Variants in SP100 observed in about 807,000 individuals in gnomAD.
The protein encoded by SP100 is nuclear autoantigen Sp-100.
Under a neutral mutation model 130.0 loss-of-function variants are expected in SP100, and 84 were observed. The observed-to-expected ratio is 0.65, with a 90% CI of 0.54 to 0.77. SP100 has a LOEUF of 0.77. Among genes scored for constraint, SP100 ranks in the 30% least tolerant of loss-of-function variants. The pLI is 0.00. For missense variants in SP100, 978 were observed against 1,052.2 expected, an observed-to-expected ratio of 0.93 and a Z score of 0.97; for synonymous variants, 331 against 351.7, an observed-to-expected ratio of 0.94 and a Z score of 0.66.
chr2:230,464,208 GCT>G lies in SP100; in HGVS notation c.1141+61_1141+62del, dbSNP rs1328974779. On this transcript the variant is annotated intron_variant, in intron 11 of 28. Transcript: ENST00000340126. ...AGAATATCCAGAGTACAAATCCAGAGCTCTGTTTTCTTGATTAATTTCATTCT... is the reference window on the plus strand; with the variant it reads ...AGAATATCCAGAGTACAAATCCAGAGCTGTTTTCTTGATTAATTTCATTCT... 3.7e-6 allele frequency: 4 copies of G among 1,070,198 alleles called. No homozygotes were observed. In the Admixed American group the frequency reaches 7.0e-5, roughly 19 times the overall value. 66.3% of individuals were successfully genotyped at this position (1,070,198 alleles called of 1,614,324 possible).
chr2:230,467,209 G>A lies in SP100; in HGVS notation c.1285G>A (p.Glu429Lys). ...CGGGGCACTGAGAAGCAAGCATGGT[G>A]AGAAGGGTAAGAACAGCTCCCTTGA... ...SSGALRSKHG[E>K]KAPMTSRSTS... The change falls in exon 13 of 29, where the codon GAG becomes AAG. Residue 429 changes from glutamate to lysine, a missense_variant. Transcript: ENST00000340126. The A allele has an allele frequency of 6.2e-7, 1 of 1,612,278 alleles. No homozygotes were observed. Among genetic ancestry groups the A allele is most frequent in the Middle Eastern group, 1.7e-4 (1 of 6,050 alleles).
Position 230,534,135 on chromosome 2 carries a change from C to T in SP100, c.2095-5132C>T, listed in dbSNP as rs368295829. On this transcript the variant is annotated intron_variant, in intron 24 of 28. Coordinates refer to ENST00000340126, the MANE Select transcript of SP100 (RefSeq NM_001080391.2). ...AGAAAAGGGTAAATGTCAGCGGGTG[C>T]GGTGGCTCACGCCTGTAATCCCAGC... is the stretch of plus-strand genomic sequence containing the variant. Among the ~76,000 whole-genome samples the T allele has an allele frequency of 7.9e-5, 12 of 152,252 alleles. No homozygotes were observed. In the South Asian group the frequency reaches 1.2e-3, roughly 16 times the overall value.
chr2:230,511,691 C>T (rs984950921), intron 24 of SP100, among the ~76,000 whole-genome samples: 8 of 152,124 alleles, frequency 5.3e-5, no homozygotes, highest in African/African-American at 1.9e-4. Context: ...TCTTATGAAG[C>T]CCCTATTGCC....
At position 230,516,778 on chromosome 2, in the gene SP100, G is replaced by A. The variant is rs1332668436; in HGVS notation, c.2094+5612G>A. The stretch of plus-strand genomic sequence containing the variant: ...CTGTGGATGTCAAAAACTTAGAATA[G>A]CCATGGTTAAAATCTAATAGAAGTA... On this transcript the variant is annotated intron_variant, in intron 24 of 28. Coordinates refer to ENST00000340126, the MANE Select transcript of SP100 (RefSeq NM_001080391.2). 2.6e-5 allele frequency among the ~76,000 whole-genome samples: 4 copies of A among 152,238 alleles called. No individual in the cohort carries two copies. In the East Asian group the frequency reaches 7.7e-4, roughly 29 times the overall value.
chr2:230,419,146 T>C (rs2062698831), intron 2 of SP100, among the ~76,000 whole-genome samples: 1 of 152,244 alleles, frequency 6.6e-6, no homozygotes, highest in Admixed American at 6.5e-5. Flanking sequence ...GATATTTTTA[T>C]GCCATTATTA....
At chr2:230,489,129 C>A (rs929041827) in intron 17 of SP100, among the ~76,000 whole-genome samples, 3 of 152,156 alleles carry the variant, frequency 2.0e-5, no homozygotes, top group Admixed American at 6.5e-5. Context: ...TGGTAGAATT[C>A]AGCTGTGAAT....
intron 17 of SP100, among the ~76,000 whole-genome samples, chr2:230,492,030 G>T (rs1402131187): frequency 6.6e-6 from 1 of 152,034 alleles, no homozygotes; most frequent in Non-Finnish European, 1.5e-5. Flanking sequence ...ACCTTTATAT[G>T]ATTCCTTTGG....
chr2:230,497,339 G>A (rs2150051506), intron 18 of SP100, among the ~76,000 whole-genome samples: 2 of 151,836 alleles, frequency 1.3e-5, no homozygotes, highest in Middle Eastern at 3.4e-3. Flanking sequence ...GATATTTATG[G>A]TTGGACAAGT....
At position 230,431,669 on chromosome 2, in the gene SP100, A is replaced by T. The variant is rs140984922; in HGVS notation, c.108-11268A>T. Reference sequence around the variant, plus strand: ...GTTCTAGCTTCAGCTCTGGAAGACTATTTTTTTTTACTTGATTTCCCTATT... The same window carrying T: ...GTTCTAGCTTCAGCTCTGGAAGACTTTTTTTTTTTACTTGATTTCCCTATT... On this transcript the variant is annotated intron_variant, in intron 2 of 28. Transcript: ENST00000340126. Among the ~76,000 whole-genome samples, 709 of 151,300 alleles carry T rather than the reference A, an allele frequency of 4.7e-3. 6 individuals carry two copies. The highest frequency in any genetic ancestry group is 0.016 in the African/African-American group (656 of 41,248).
chr2:230,500,417 T>A (rs866730621), intron 19 of SP100, among the ~76,000 whole-genome samples: 14 of 152,232 alleles, frequency 9.2e-5, no homozygotes, highest in Non-Finnish European at 1.6e-4. Flanking sequence ...AATGAGCTTC[T>A]GGTGTTTTGC....
At chr2:230,417,484 GT>G in intron 1 of SP100, 106 bp from the exon 2 acceptor site, 1 of 1,413,722 alleles carries the variant, frequency 7.1e-7, no homozygotes, top group Non-Finnish European at 9.4e-7. Flanking sequence ...TTCTTTTTGG[GT>G]TTTTACATCT....
intron 24 of SP100, among the ~76,000 whole-genome samples, chr2:230,529,102 A>G (rs570632916): frequency 6.6e-6 from 1 of 152,322 alleles, no homozygotes; most frequent in East Asian, 1.9e-4. Flanking sequence ...CCTGATACCA[A>G]AGGCTGGTAG....
intron 17 of SP100, among the ~76,000 whole-genome samples, chr2:230,483,402 A>G (rs1399998598): frequency 6.6e-6 from 1 of 152,164 alleles, no homozygotes; most frequent in Non-Finnish European, 1.5e-5. Context: ...AGGCAACGGC[A>G]AGGGAGACCA....
intron 17 of SP100, among the ~76,000 whole-genome samples, chr2:230,479,674 A>T (rs2065742071): frequency 6.6e-6 from 1 of 152,234 alleles, no homozygotes; most frequent in Admixed American, 6.5e-5. Context: ...AGAAACAGCC[A>T]GATTTAAAGC....
At chr2:230,532,433 C>G (rs990133629) in intron 24 of SP100, among the ~76,000 whole-genome samples, 3 of 151,772 alleles carry the variant, frequency 2.0e-5, no homozygotes, top group African/African-American at 7.3e-5. Flanking sequence ...AAAATATTGG[C>G]CTATCCTTAA....
chr2:230,489,850 C>T (rs2066304662), intron 17 of SP100, among the ~76,000 whole-genome samples: 1 of 152,072 alleles, frequency 6.6e-6, no homozygotes, highest in Non-Finnish European at 1.5e-5. Flanking sequence ...ATCCTGAGTT[C>T]TAATTTGTTT....
chr2:230,466,751 G>A (rs1189921554), intron 12 of SP100, among the ~76,000 whole-genome samples: 1 of 152,126 alleles, frequency 6.6e-6, no homozygotes, highest in East Asian at 1.9e-4. Context: ...TGCCCTGAGA[G>A]AGAAGCAAAT....
At position 230,474,418 on chromosome 2, in the gene SP100, C is replaced by T; in HGVS notation, c.1571C>T (p.Ser524Phe). The T allele has an allele frequency of 6.5e-7, 1 of 1,539,418 alleles. No individual in the cohort carries two copies. Among genetic ancestry groups the T allele is most frequent in the Non-Finnish European group, 8.9e-7 (1 of 1,118,310 alleles). ...MMDTMDVENN[S>F]TLEKHSGKRR... The stretch of plus-strand genomic sequence containing the variant: ...GATACCATGGATGTTGAAAACAATT[C>T]TACTTTGGAAAAACACAGTGGGAAA... Residue 524 changes from serine to phenylalanine, a missense_variant, in exon 17 of 29, where the codon TCT becomes TTT. By Grantham distance (155) the Ser-to-Phe change is radical. Transcript: ENST00000340126.
At chr2:230,459,946 G>A (rs753412914) in intron 8 of SP100, among the ~76,000 whole-genome samples, 2 of 152,146 alleles carry the variant, frequency 1.3e-5, no homozygotes, top group African/African-American at 2.4e-5. Context: ...TGTCTACCAC[G>A]CACCTGCGCG....
Sources: allele counts gnomAD v4.1 joint callset (sites outside exome capture counted in the v4.1 genomes callset), GRCh38; gene constraint gnomAD v4.1.1; transcripts MANE v1.5; gene names NCBI Gene and HGNC (gene_info 2026-07-23, HGNC 2026-07-21).